CHL1: variants seen among roughly 807,000 people sequenced by gnomAD.
CHL1 encodes cell adhesion molecule L1 like.
Under a neutral mutation model 141.9 loss-of-function variants are expected in CHL1, and 96 were observed. That is an observed-to-expected ratio of 0.68 (90% CI 0.57 to 0.80). CHL1 has a LOEUF of 0.80. CHL1 is among the 30% of genes least tolerant of loss of function. CHL1 has a pLI of 0.00. For synonymous variants in CHL1, 613 were observed against 502.2 expected (o/e 1.22, Z -2.95); for missense variants, 1,820 against 1,457.2 (o/e 1.25, Z -4.05).
In CHL1 at chr3:206,463, TA is replaced by T. The variant is rs946862196; in HGVS notation, c.-175+9409del. ...CCTGGGTGACAGAGCGAGACTGTCT[TA>T]AAAAAAAATCTTAATGCAACTTTGG... On this transcript the variant is annotated intron_variant, in intron 1 of 27. Coordinates refer to ENST00000256509, the MANE Select transcript of CHL1 (RefSeq NM_006614.4). Among the ~76,000 whole-genome samples the T allele has an allele frequency of 1.1e-4, 17 of 151,342 alleles. No homozygotes were observed. In the South Asian group the frequency reaches 2.9e-3, roughly 26 times the overall value.
intron 15 of CHL1, chr3:376,362 A>G (rs1358916821): frequency 1.9e-6 from 1 of 513,078 alleles, no homozygotes; most frequent in Admixed American, 2.0e-5. Context: ...CCCTTGCCCC[A>G]TCTCCAAATG....
intron 1 of CHL1, among the ~76,000 whole-genome samples, chr3:219,004 C>A (rs1159567700): frequency 2.0e-5 from 3 of 152,036 alleles, no homozygotes; most frequent in African/African-American, 7.3e-5. Context: ...AAAAAATTAG[C>A]TGGGCATGGT....
intron 1 of CHL1, among the ~76,000 whole-genome samples, chr3:219,268 C>A (rs946969084): frequency 2.6e-5 from 4 of 152,094 alleles, no homozygotes; most frequent in African/African-American, 9.7e-5. Flanking sequence ...AGTGTGGTGA[C>A]TCCTCAAAGA....
chr3:241,790 G>T (rs62228325), intron 1 of CHL1, among the ~76,000 whole-genome samples: 4 of 151,206 alleles, frequency 2.6e-5, no homozygotes, highest in South Asian at 2.1e-4. Flanking sequence ...TTTACATTTG[G>T]TGGGTATATT....
At chr3:250,344 T>C (rs1008094415) in intron 2 of CHL1, among the ~76,000 whole-genome samples, 2 of 152,176 alleles carry the variant, frequency 1.3e-5, no homozygotes, top group South Asian at 2.1e-4. Context: ...CAGGTTTGTA[T>C]ACTATTTTAA....
At chr3:331,555 T>A (rs1358632062) in intron 5 of CHL1, among the ~76,000 whole-genome samples, 6 of 152,120 alleles carry the variant, frequency 3.9e-5, no homozygotes, top group African/African-American at 2.4e-5. Context: ...GATGATTTCT[T>A]TAGTCATATT....
chr3:368,334 C>G (rs1162740676), intron 15 of CHL1, among the ~76,000 whole-genome samples: 1 of 152,104 alleles, frequency 6.6e-6, no homozygotes, highest in Non-Finnish European at 1.5e-5. Context: ...TCATTTGCAT[C>G]TCTCTGATGA....
At chr3:296,322 A>T (rs1698181969) in intron 2 of CHL1, among the ~76,000 whole-genome samples, 1 of 152,208 alleles carries the variant, frequency 6.6e-6, no homozygotes, top group African/African-American at 2.4e-5. Flanking sequence ...CAAGCTACCT[A>T]ATACAAATGG....
At chr3:383,059 A>T (rs1296099153) in intron 18 of CHL1, among the ~76,000 whole-genome samples, 1 of 152,182 alleles carries the variant, frequency 6.6e-6, no homozygotes, top group Admixed American at 6.5e-5. Flanking sequence ...AATTTCCAAG[A>T]TGCGTTTGAA....
intron 10 of CHL1, 51 bp from the exon 11 acceptor site, chr3:354,589 G>C: frequency 6.4e-7 from 1 of 1,560,902 alleles, no homozygotes; most frequent in Non-Finnish European, 8.7e-7. Context: ...AACATTTTTG[G>C]ACTTTTTGAC....
At chr3:269,162 C>G (rs1695421970) in intron 2 of CHL1, among the ~76,000 whole-genome samples, 1 of 152,152 alleles carries the variant, frequency 6.6e-6, no homozygotes, top group Non-Finnish European at 1.5e-5. Context: ...GGCTTGTGCA[C>G]AAAAAGTTTT....
chr3:402,325 C>G (rs1185863139), intron 27 of CHL1, among the ~76,000 whole-genome samples: 1 of 152,124 alleles, frequency 6.6e-6, no homozygotes, highest in East Asian at 1.9e-4. Context: ...GTGTGTCGGG[C>G]AAGGGAGGAA....
chr3:398,118 G>A (rs999153443), intron 24 of CHL1, 109 bp from the exon 25 acceptor site: 3 of 593,806 alleles, frequency 5.1e-6, no homozygotes, highest in Middle Eastern at 3.4e-4. Context: ...AACTATCTGA[G>A]AAAATATGGT....
chr3:289,667 A>G (rs1013908301), intron 2 of CHL1, among the ~76,000 whole-genome samples: 1 of 152,062 alleles, frequency 6.6e-6, no homozygotes, highest in African/African-American at 2.4e-5. Context: ...ATGATATCTT[A>G]TGTAATACAT....
rs116462475 is a variant in CHL1, at chr3:406,029, T to C, written c.*318T>C. ...ATTCCATATTTGCCTGATTTTACTA[T>C]TCGGTGTGTTTGCATAGATGTTGCT... On this transcript the variant is annotated 3_prime_UTR_variant, in exon 28 of 28. Coordinates refer to ENST00000256509, the MANE Select transcript of CHL1 (RefSeq NM_006614.4). 9.4e-5 allele frequency: 25 copies of C among 265,586 alleles called. 1 individual carries two copies. The East Asian group carries it at 1.5e-3, about 16-fold the overall frequency. The allele number at this position is 265,586 out of a possible 1,614,324, so 16.5% of individuals were successfully genotyped here.
In CHL1 at chr3:363,260, C is replaced by T; in HGVS notation, c.1462C>T (p.His488Tyr). 1.2e-6 allele frequency: 2 copies of T among 1,613,540 alleles called. No homozygotes were observed. The highest frequency in any genetic ancestry group is 1.7e-4 in the Middle Eastern group (1 of 6,054). Reference sequence around the variant, plus strand: ...GAAACCCCTGGAGGGCAGGCGGTATCATATCTATGAAAATGGCACATTGCA... The same window carrying T: ...GAAACCCCTGGAGGGCAGGCGGTATTATATCTATGAAAATGGCACATTGCA... ...EVKPLEGRRY[H>Y]IYENGTLQIN... is the part of the protein sequence containing the mutation. The change falls in exon 14 of 28, where the codon CAT (histidine) becomes TAT (tyrosine). Residue 488 changes from histidine (H) to tyrosine (Y), a missense_variant. His to Tyr is a moderately conservative substitution (Grantham distance 83). Transcript: ENST00000256509.
rs115368536 is a variant in CHL1 at position 346,163 on chromosome 3, T to C, written c.848+1454T>C. Among the ~76,000 whole-genome samples, 464 of 152,358 alleles carry C rather than the reference T, an allele frequency of 3.0e-3. 2 individuals are homozygous for C. The highest frequency in any genetic ancestry group is 9.6e-3 in the African/African-American group (398 of 41,594). On this transcript the variant is annotated intron_variant, in intron 9 of 27. Coordinates refer to ENST00000256509, the MANE Select transcript of CHL1 (RefSeq NM_006614.4). Reference sequence around the variant, plus strand: ...TGGTTTAGAAATGGAGCAGATTTTATTGGTTTTACAGCCCCTAAGCTTTGT... The same window carrying C: ...TGGTTTAGAAATGGAGCAGATTTTACTGGTTTTACAGCCCCTAAGCTTTGT...
chr3:322,301 A>AT lies in CHL1; in HGVS notation c.91+2436dup, dbSNP rs1358070116. On this transcript the variant is annotated intron_variant, in intron 3 of 27. Transcript: ENST00000256509. ...CAGATTTATCGGGCAATAATGAAAA[A>AT]TTAAAAAAATAGAATTAATAGAAAA... Among the ~76,000 whole-genome samples, 7 of 132,052 alleles carry AT rather than the reference A, an allele frequency of 5.3e-5. No individual in the cohort carries two copies. In the East Asian group the frequency reaches 8.9e-4, roughly 17 times the overall value. 86.6% of individuals were successfully genotyped at this position (132,052 alleles called of 152,430 possible).
chr3:373,771 G>A (rs1199253759), intron 15 of CHL1: 3 of 152,318 alleles, frequency 2.0e-5, no homozygotes, highest in African/African-American at 7.2e-5. Context: ...TCCAATCCAT[G>A]GGTTTCACAG....
Sources: gnomAD v4.1 joint callset for allele counts (sites outside exome capture counted in the v4.1 genomes callset) on GRCh38, gnomAD v4.1.1 for gene constraint, MANE v1.5 for transcripts, NCBI Gene and HGNC (gene_info 2026-07-23, HGNC 2026-07-21) for gene names.